The following TBCK variants were observed in gnomAD, a reference collection of about 807,000 sequenced individuals.
The protein encoded by TBCK is TBC domain-containing protein kinase-like protein.
TBCK carries 99 observed loss-of-function variants against 113.4 expected under a neutral mutation model. The observed-to-expected ratio is 0.87, with a 90% CI of 0.74 to 1.03. The LOEUF (loss-of-function observed/expected upper bound fraction) is 1.03, where lower values mean the gene tolerates loss of function less well. Ranked by LOEUF, TBCK falls within the 50% of genes least tolerant of loss-of-function variation. TBCK has a pLI of 0.00. For missense variants in TBCK, 1,045 were observed against 1,061.3 expected, an observed-to-expected ratio of 0.98 and a Z score of 0.21; for synonymous variants, 369 against 370.8, an observed-to-expected ratio of 1.00 and a Z score of 0.05.
chr4:106,237,622 G>A, intron 12 of TBCK: 1 of 412,250 alleles, frequency 2.4e-6, no homozygotes, highest in South Asian at 1.7e-5. Context: ...GCACCCATGT[G>A]AGTTATTCCC....
chr4:106,200,275 T>C (rs1754728517), intron 20 of TBCK, among the ~76,000 whole-genome samples: 1 of 152,218 alleles, frequency 6.6e-6, no homozygotes, highest in African/African-American at 2.4e-5. Context: ...GTGCAGTGGC[T>C]CATTCCCACA....
intron 24 of TBCK, among the ~76,000 whole-genome samples, chr4:106,114,535 G>A (rs1743254029): frequency 6.6e-6 from 1 of 152,254 alleles, no homozygotes; most frequent in Admixed American, 6.5e-5. Flanking sequence ...GGCTACAGCT[G>A]CTGACTCTTT....
At chr4:106,070,839 C>T (rs1439065926) in intron 25 of TBCK, among the ~76,000 whole-genome samples, 1 of 152,092 alleles carries the variant, frequency 6.6e-6, no homozygotes, top group Admixed American at 6.6e-5. Flanking sequence ...TTGGTCTGTT[C>T]AGGGATTCAA....
intron 18 of TBCK, 76 bp downstream of exon 18, chr4:106,231,653 C>A (rs953132231): frequency 1.8e-4 from 249 of 1,418,848 alleles, no homozygotes; most frequent in Non-Finnish European, 2.3e-4. Flanking sequence ...AAAACAAAAA[C>A]AAAAACCTTT....
chr4:106,045,485 A>G lies in TBCK; in HGVS notation c.*1085T>C, dbSNP rs1050355353. 5.9e-5 allele frequency: 9 copies of G among 152,166 alleles called. No homozygotes were observed. Among genetic ancestry groups the G allele is most frequent in the African/African-American group, 2.2e-4 (9 of 41,444 alleles). 9.4% of individuals were successfully genotyped at this position (152,166 alleles called of 1,614,324 possible). A position where few individuals can be genotyped will look rare whatever the true frequency, so the allele number is the denominator to read the frequency against. ...TGTACTCTCTTCTTCCCACACAGTA[A>G]TAAGAATGTTTTTAGCTGGGGAAAT... is the stretch of plus-strand genomic sequence containing the variant. On this transcript the variant is annotated 3_prime_UTR_variant, in exon 26 of 26. Coordinates refer to ENST00000394708, the MANE Select transcript of TBCK (RefSeq NM_001163435.3).
intron 23 of TBCK, among the ~76,000 whole-genome samples, chr4:106,167,919 TA>T (rs1750576663): frequency 6.6e-6 from 1 of 151,882 alleles, no homozygotes; most frequent in Non-Finnish European, 1.5e-5. Flanking sequence ...TAAATTCTAT[TA>T]AAGACTGAAG....
At chr4:106,161,694 GTGTGTC>G (rs1305659519) in intron 23 of TBCK, among the ~76,000 whole-genome samples, 4 of 137,258 alleles carry the variant, frequency 2.9e-5, no homozygotes, top group African/African-American at 5.8e-5. Flanking sequence ...CCAGAATTAG[GTGTGTC>G]TGTGTGTGTG....
chr4:106,084,154 T>C lies in TBCK; in HGVS notation c.2571+11328A>G, dbSNP rs188210473. On this transcript the variant is annotated intron_variant, in intron 25 of 25. Coordinates refer to ENST00000394708, the MANE Select transcript of TBCK (RefSeq NM_001163435.3). Reference sequence around the variant, plus strand: ...AAAACTATGACGAGGTAAAGGAACATGTTCTAACCCAATGCAAAGAAGCTA... The same window carrying C: ...AAAACTATGACGAGGTAAAGGAACACGTTCTAACCCAATGCAAAGAAGCTA... Among the ~76,000 whole-genome samples the C allele has an allele frequency of 2.6e-5, 4 of 152,210 alleles. No homozygotes were observed. The East Asian group carries it at 7.7e-4, about 29-fold the overall frequency.
chr4:106,086,870 T>C (rs1164321635), intron 25 of TBCK, among the ~76,000 whole-genome samples: 2 of 152,194 alleles, frequency 1.3e-5, no homozygotes, highest in Non-Finnish European at 1.5e-5. Flanking sequence ...AGGCCTTTGA[T>C]AAAATTCAGC....
chr4:106,289,823 A>G (rs546677080), intron 3 of TBCK, among the ~76,000 whole-genome samples: 156 of 152,198 alleles, frequency 1.0e-3, no homozygotes, highest in African/African-American at 3.7e-3. Context: ...TATGATGCAT[A>G]TTAAATAAAA....
rs115500718 is a variant in TBCK at position 106,082,748 on chromosome 4, C to T, written c.2571+12734G>A. Reference sequence around the variant, plus strand: ...AACCATAATAAGCCTGTGAATCCTTCACTGGCAACCAAGGTATCCAGGTTC... The same window carrying T: ...AACCATAATAAGCCTGTGAATCCTTTACTGGCAACCAAGGTATCCAGGTTC... On this transcript the variant is annotated intron_variant, in intron 25 of 25. Coordinates refer to ENST00000394708, the MANE Select transcript of TBCK (RefSeq NM_001163435.3). 9.1e-3 allele frequency among the ~76,000 whole-genome samples: 1,391 copies of T among 152,278 alleles called. 10 individuals carry two copies. Among genetic ancestry groups the T allele is most frequent in the South Asian group, 0.03 (143 of 4,822 alleles).
chr4:106,081,039 A>G (rs1738797664), intron 25 of TBCK, among the ~76,000 whole-genome samples: 1 of 152,176 alleles, frequency 6.6e-6, no homozygotes, highest in South Asian at 2.1e-4. Context: ...AAGGTTGCAG[A>G]GAAAAAGGAA....
At chr4:106,200,446 G>A (rs1174472495) in intron 20 of TBCK, among the ~76,000 whole-genome samples, 1 of 152,058 alleles carries the variant, frequency 6.6e-6, no homozygotes, top group Admixed American at 6.6e-5. Flanking sequence ...AGGCTGAGGA[G>A]GGAGGATTAC....
At chr4:106,278,409 A>C (rs1195740746) in intron 3 of TBCK, among the ~76,000 whole-genome samples, 3 of 151,864 alleles carry the variant, frequency 2.0e-5, no homozygotes, top group Non-Finnish European at 4.4e-5. Context: ...AATACAAAAA[A>C]TTAGCCAGGC....
At chr4:106,236,865 C>G (rs1579348562) in intron 12 of TBCK, 57 bp from the exon 13 acceptor site, 1 of 1,015,224 alleles carries the variant, frequency 9.9e-7, no homozygotes, top group Non-Finnish European at 1.4e-6. Context: ...AAACCCTGAT[C>G]TGTGTTTAAA....
intron 23 of TBCK, among the ~76,000 whole-genome samples, chr4:106,136,233 AG>A (rs147382347): frequency 0.04 from 5,592 of 140,382 alleles, 1,048 homozygotes; most frequent in Middle Eastern, 0.11. Context: ...AGTAAACAGA[AG>A]GTAAATTAAA....
intron 22 of TBCK, among the ~76,000 whole-genome samples, chr4:106,184,769 A>G (rs1237791149): frequency 6.6e-6 from 1 of 152,030 alleles, no homozygotes; most frequent in Non-Finnish European, 1.5e-5. Flanking sequence ...ATGTGCATGC[A>G]ATTACTGGCA....
chr4:106,255,000 C>CT (rs1761831693), intron 5 of TBCK: 1 of 301,272 alleles, frequency 3.3e-6, no homozygotes, highest in Non-Finnish European at 6.7e-6. Context: ...TTGTTCTTCT[C>CT]TACATACATT....
chr4:106,047,666 T>G (rs1734365162), intron 25 of TBCK, among the ~76,000 whole-genome samples: 1 of 152,196 alleles, frequency 6.6e-6, no homozygotes, highest in Non-Finnish European at 1.5e-5. Context: ...ATTATCCATT[T>G]AAGAGCTTCC....
Sources: gnomAD v4.1 joint callset for allele counts (sites outside exome capture counted in the v4.1 genomes callset) on GRCh38, gnomAD v4.1.1 for gene constraint, MANE v1.5 for transcripts, NCBI Gene and HGNC (gene_info 2026-07-23, HGNC 2026-07-21) for gene names.